Variants in XKR6 observed in about 807,000 individuals in gnomAD.
XKR6 encodes the protein XK related 6, also known as XK-related protein 6.
In XKR6, 22 loss-of-function variants were observed where a neutral mutation model predicts 56.7. The ratio of observed to expected loss-of-function variants is 0.39; its 90% CI spans 0.28 to 0.55. XKR6 has a LOEUF of 0.55. Ranked by LOEUF, XKR6 falls within the 20% of genes least tolerant of loss-of-function variation. XKR6 has a pLI of 0.66. For synonymous variants in XKR6, 524 were observed against 387.8 expected, an observed-to-expected ratio of 1.35 and a Z score of -4.13; for missense variants, 852 against 889.0, an observed-to-expected ratio of 0.96 and a Z score of 0.53.
intron 1 of XKR6, among the ~76,000 whole-genome samples, chr8:11,128,228 C>A (rs1439663772): frequency 6.6e-6 from 1 of 152,164 alleles, no homozygotes; most frequent in Non-Finnish European, 1.5e-5. Context: ...CTGGCCAGAC[C>A]TTCGCACTCC....
intron 1 of XKR6, chr8:11,137,302 G>T (rs904445064): frequency 3.8e-6 from 1 of 263,710 alleles, no homozygotes; most frequent in Non-Finnish European, 7.4e-6. Context: ...ATTTATTCAA[G>T]AAACCAATAC....
At chr8:11,081,751 G>A (rs1359674428) in intron 1 of XKR6, among the ~76,000 whole-genome samples, 1 of 152,212 alleles carries the variant, frequency 6.6e-6, no homozygotes, top group Non-Finnish European at 1.5e-5. Context: ...GAGAGAGAGA[G>A]AAGCTTTAAT....
intron 1 of XKR6, among the ~76,000 whole-genome samples, chr8:10,925,211 A>T (rs554803063): frequency 6.6e-6 from 1 of 152,266 alleles, no homozygotes; most frequent in South Asian, 2.1e-4. Context: ...CCGGGGGGAA[A>T]CAATCCAGCA....
At chr8:11,100,718 G>C (rs1221717582) in intron 1 of XKR6, among the ~76,000 whole-genome samples, 2 of 152,202 alleles carry the variant, frequency 1.3e-5, no homozygotes, top group Non-Finnish European at 2.9e-5. Context: ...TTGTCTCTTT[G>C]ATCTGCCTAA....
At chr8:10,963,427 C>T (rs978024788) in intron 1 of XKR6, among the ~76,000 whole-genome samples, 1 of 152,224 alleles carries the variant, frequency 6.6e-6, no homozygotes, top group African/African-American at 2.4e-5. Flanking sequence ...GGCTTTGCTT[C>T]GATACCTGCC....
chr8:11,048,866 C>T (rs1425233656), intron 1 of XKR6, among the ~76,000 whole-genome samples: 1 of 152,252 alleles, frequency 6.6e-6, no homozygotes, highest in African/African-American at 2.4e-5. Context: ...TTACCCCTGC[C>T]CCATGGCACT....
At chr8:11,086,149 T>TATATATATATATATATA (rs1554454135) in intron 1 of XKR6, among the ~76,000 whole-genome samples, 39 of 100,814 alleles carry the variant, frequency 3.9e-4, no homozygotes, top group African/African-American at 1.3e-3. Flanking sequence ...TATATATATA[T>TATATATATATATATATA]TTTTTTTTAA....
chr8:11,165,275 T>C (rs1247357424), intron 1 of XKR6, among the ~76,000 whole-genome samples: 1 of 151,954 alleles, frequency 6.6e-6, no homozygotes, highest in African/African-American at 2.4e-5. Context: ...AATTTTTGTA[T>C]TTTTAATAGA....
intron 1 of XKR6, among the ~76,000 whole-genome samples, chr8:11,048,460 C>T (rs545164201): frequency 3.3e-5 from 5 of 152,214 alleles, no homozygotes; most frequent in Non-Finnish European, 5.9e-5. Flanking sequence ...AAACGCATAT[C>T]GAGGTCTCTT....
intron 1 of XKR6, among the ~76,000 whole-genome samples, chr8:11,125,210 T>G (rs925075273): frequency 6.6e-6 from 1 of 151,954 alleles, no homozygotes; most frequent in East Asian, 1.9e-4. Context: ...CTGGCCCTGC[T>G]CACCCTGCTA....
At chr8:11,093,346 C>A (rs149788048) in intron 1 of XKR6, among the ~76,000 whole-genome samples, 1 of 152,204 alleles carries the variant, frequency 6.6e-6, no homozygotes, top group Non-Finnish European at 1.5e-5. Context: ...TGAGCCACCA[C>A]GCCCAGATCT....
intron 1 of XKR6, among the ~76,000 whole-genome samples, chr8:11,148,077 G>A (rs1265925673): frequency 1.3e-5 from 2 of 152,078 alleles, no homozygotes; most frequent in African/African-American, 4.8e-5. Context: ...GGGCGTGGTG[G>A]CATGCACCTG....
chr8:11,094,747 A>G (rs1005005717), intron 1 of XKR6, among the ~76,000 whole-genome samples: 5 of 152,132 alleles, frequency 3.3e-5, no homozygotes, highest in South Asian at 4.1e-4. Flanking sequence ...AGCATTGTCA[A>G]TGTCATCATC....
At chr8:11,033,334 ATGG>A (rs1301421577) in intron 1 of XKR6, among the ~76,000 whole-genome samples, 2 of 145,930 alleles carry the variant, frequency 1.4e-5, no homozygotes, top group East Asian at 1.9e-4. Context: ...AGTGATGGTG[ATGG>A]TGGTGGTGAT....
chr8:11,165,330 C>T (rs1207718412), intron 1 of XKR6, among the ~76,000 whole-genome samples: 2 of 152,056 alleles, frequency 1.3e-5, no homozygotes, highest in African/African-American at 4.8e-5. Context: ...GAACTCCTGA[C>T]CTCATGATCT....
chr8:11,029,742 G>A (rs1798949853), intron 1 of XKR6, among the ~76,000 whole-genome samples: 1 of 151,950 alleles, frequency 6.6e-6, no homozygotes, highest in Non-Finnish European at 1.5e-5. Flanking sequence ...TCACGTCAGT[G>A]CCATTTCCAC....
intron 1 of XKR6, among the ~76,000 whole-genome samples, chr8:10,963,514 T>C (rs1802126655): frequency 6.6e-6 from 1 of 150,848 alleles, no homozygotes; most frequent in Admixed American, 6.6e-5. Flanking sequence ...CCACAGTGCC[T>C]CGAACAGGGC....
intron 1 of XKR6, among the ~76,000 whole-genome samples, chr8:10,976,977 C>T (rs1002238723): frequency 6.6e-6 from 1 of 152,128 alleles, no homozygotes; most frequent in African/African-American, 2.4e-5. Flanking sequence ...GTCGTCTTCC[C>T]CAGCCCATCC....
chr8:11,108,344 CACT>C (rs1270914631), intron 1 of XKR6: 4 of 456,178 alleles, frequency 8.8e-6, no homozygotes, highest in Non-Finnish European at 1.3e-5. Context: ...AATTTCCAGT[CACT>C]ACTACAATTT....
Sources: allele counts gnomAD v4.1 joint callset (sites outside exome capture counted in the v4.1 genomes callset), GRCh38; gene constraint gnomAD v4.1.1; transcripts MANE v1.5; gene names NCBI Gene and HGNC (gene_info 2026-07-23, HGNC 2026-07-21).